TSKS: variants seen among roughly 807,000 people sequenced by gnomAD.
TSKS encodes testis-specific serine kinase substrate.
TSKS carries 27 observed loss-of-function variants against 68.0 expected under a neutral mutation model. That is an observed-to-expected ratio of 0.40 (90% CI 0.29 to 0.55). The LOEUF (loss-of-function observed/expected upper bound fraction) is 0.55. Among genes scored for constraint, TSKS ranks in the 20% least tolerant of loss-of-function variants. TSKS has a pLI of 0.53. For missense variants in TSKS, 806 were observed against 776.0 expected, an observed-to-expected ratio of 1.04 and a Z score of -0.46; for synonymous variants, 331 against 340.4, an observed-to-expected ratio of 0.97 and a Z score of 0.30.
At chr19:49,744,520 C>T in intron 7 of TSKS, 116 bp from the exon 8 acceptor site, 1 of 980,294 alleles carries the variant, frequency 1.0e-6, no homozygotes, top group Non-Finnish European at 1.5e-6. Context: ...AATTCTCCAC[C>T]CTGCCCTCCC....
chr19:49,746,927 A>G, intron 5 of TSKS, 129 bp from the exon 6 acceptor site: 1 of 1,474,306 alleles, frequency 6.8e-7, no homozygotes, highest in Non-Finnish European at 9.0e-7. Flanking sequence ...GTATGTTGGA[A>G]GTCTCACTGG....
intron 6 of TSKS, 31 bp downstream of exon 6, chr19:49,746,439 T>C: frequency 1.9e-6 from 3 of 1,611,950 alleles, no homozygotes; most frequent in Non-Finnish European, 2.5e-6. Flanking sequence ...CCGATCTCGT[T>C]TTCGAGGCTC....
At chr19:49,755,696 TA>T (rs2084387140) in intron 2 of TSKS, among the ~76,000 whole-genome samples, 1 of 151,796 alleles carries the variant, frequency 6.6e-6, no homozygotes, top group Non-Finnish European at 1.5e-5. Flanking sequence ...AAAACACTTT[TA>T]AAATAGGATA....
At position 49,739,873 on chromosome 19, in the gene TSKS, A is replaced by G; in HGVS notation, c.1682T>C (p.Leu561Pro). The change falls in exon 11 of 11, where the codon CTC becomes CCC. Residue 561 changes from leucine to proline, a missense_variant. Coordinates refer to ENST00000246801, the MANE Select transcript of TSKS (RefSeq NM_021733.2). ...HLKMCSLHDHLSNLPLEGSTG... is the reference protein window; with the variant it reads ...HLKMCSLHDHPSNLPLEGSTG... Reference sequence around the variant, plus strand: ...GGACCCCTCAAGTGGCAGGTTGCTGAGATGATCGTGGAGGGAGCACATCTT... The same window carrying G: ...GGACCCCTCAAGTGGCAGGTTGCTGGGATGATCGTGGAGGGAGCACATCTT... 1 of 1,614,032 alleles carries G rather than the reference A, an allele frequency of 6.2e-7. No homozygotes were observed. The highest frequency in any genetic ancestry group is 8.5e-7 in the Non-Finnish European group (1 of 1,179,982).
rs373031249 is a variant in TSKS, at chr19:49,741,520, C to A, written c.1497+365G>T. Among the ~76,000 whole-genome samples the A allele has an allele frequency of 5.9e-5, 9 of 152,204 alleles. 1 individual carries two copies. The highest frequency in any genetic ancestry group is 3.3e-4 in the Admixed American group (5 of 15,284). ...CTATTTTACCTCAATATAGCTGACC[C>A]CAATGATCTTGTACAATGCACCGCC... On this transcript the variant is annotated intron_variant, in intron 9 of 10. Transcript: ENST00000246801.
chr19:49,754,557 A>C (rs1270637734), intron 2 of TSKS, among the ~76,000 whole-genome samples: 1 of 152,124 alleles, frequency 6.6e-6, no homozygotes, highest in Non-Finnish European at 1.5e-5. Context: ...AAGGCATGCA[A>C]AGAAAAAAAA....
intron 4 of TSKS, 70 bp downstream of exon 4, chr19:49,748,015 C>T: frequency 1.4e-6 from 2 of 1,471,652 alleles, no homozygotes; most frequent in Non-Finnish European, 1.9e-6. Flanking sequence ...AGCCTCCTCC[C>T]CTCTTTCTCC....
intron 6 of TSKS, among the ~76,000 whole-genome samples, chr19:49,745,616 T>C (rs983771868): frequency 6.6e-6 from 1 of 152,056 alleles, no homozygotes; most frequent in Admixed American, 6.6e-5. Flanking sequence ...CTTTATTGGC[T>C]ATCTTGGCCC....
Position 49,743,499 on chromosome 19 carries a change from T to C in TSKS, c.1361+732A>G, listed in dbSNP as rs200070974. The stretch of plus-strand genomic sequence containing the variant: ...CCCGGGTCCAAGTGAATTTCTTTTT[T>C]TTTTTTTTTTTTTTTTGAGATGGAG... On this transcript the variant is annotated intron_variant, in intron 8 of 10. Transcript: ENST00000246801. 5.8e-5 allele frequency among the ~76,000 whole-genome samples: 8 copies of C among 138,936 alleles called. 1 individual carries two copies. The highest frequency in any genetic ancestry group is 4.1e-4 in the East Asian group (2 of 4,870). The allele number at this position is 138,936 out of a possible 152,430, so 91.1% of individuals were successfully genotyped here.
chr19:49,759,468 C>CA (rs557013917), intron 2 of TSKS, among the ~76,000 whole-genome samples: 33,433 of 105,306 alleles, frequency 0.32, 5,543 homozygotes, highest in African/African-American at 0.52. Flanking sequence ...ACTCCATTTC[C>CA]AAAAAAAAAA....
chr19:49,747,615 G>A (rs8109529), intron 4 of TSKS, 143 bp from the exon 5 acceptor site: 784,684 of 784,726 alleles, frequency 1, 392,321 homozygotes, highest in Middle Eastern at 1. Context: ...CCTTGGCTAA[G>A]GGGATGGCTT....
intron 8 of TSKS, 86 bp downstream of exon 8, chr19:49,744,145 C>A: frequency 7.0e-7 from 1 of 1,427,956 alleles, no homozygotes; most frequent in Non-Finnish European, 9.7e-7. Flanking sequence ...AACAGCGCCC[C>A]ACCCTTCACT....
Position 49,744,326 on chromosome 19 carries a change from C to G in TSKS, c.1266G>C (p.Glu422Asp). ...AGTTCTGAAATTGCCGCCCGAACTC[C>G]TCCAGAATGGGTTTCAGTGGGCCCA... ...EGLGPLKPIL[E>D]EFGRQFQNSR... is the part of the protein sequence containing the mutation. The change falls in exon 8 of 11, where the codon GAG becomes GAC. Residue 422 changes from glutamate to aspartate, a missense_variant. Glu to Asp is a conservative substitution (Grantham distance 45, BLOSUM62 2). Coordinates refer to ENST00000246801, the MANE Select transcript of TSKS (RefSeq NM_021733.2). 1 of 1,614,154 alleles carries G rather than the reference C, an allele frequency of 6.2e-7. No individual in the cohort carries two copies. The highest frequency in any genetic ancestry group is 8.5e-7 in the Non-Finnish European group (1 of 1,180,026).
At chr19:49,755,728 C>T (rs1006703468) in intron 2 of TSKS, among the ~76,000 whole-genome samples, 1 of 152,136 alleles carries the variant, frequency 6.6e-6, no homozygotes, top group Admixed American at 6.5e-5. Context: ...GGTGGCTGGG[C>T]TTGGTGGCTG....
At chr19:49,746,367 G>T in intron 6 of TSKS, 103 bp downstream of exon 6, 1 of 1,376,606 alleles carries the variant, frequency 7.3e-7, no homozygotes, top group South Asian at 1.3e-5. Context: ...AGCTACTTGA[G>T]AACCCCCGTC....
intron 9 of TSKS, 127 bp from the exon 10 acceptor site, chr19:49,740,310 C>T: frequency 8.2e-7 from 1 of 1,222,646 alleles, no homozygotes. Flanking sequence ...AGTTTCCCAT[C>T]ATGCCTTGAG....
At chr19:49,741,804 G>A (rs1230248722) in intron 9 of TSKS, 81 bp downstream of exon 9, 2 of 1,592,248 alleles carry the variant, frequency 1.3e-6, no homozygotes, top group East Asian at 2.2e-5. Flanking sequence ...CACACCAGCA[G>A]TACCCTTGAG....
In TSKS at chr19:49,744,411, C is replaced by A. The variant is rs1308626752; in HGVS notation, c.1188-7G>T. The A allele has an allele frequency of 6.2e-7, 1 of 1,610,432 alleles. No homozygotes were observed. Among genetic ancestry groups the A allele is most frequent in the Non-Finnish European group, 8.5e-7 (1 of 1,176,954 alleles). On this transcript the variant is annotated splice_region_variant and splice_polypyrimidine_tract_variant and intron_variant, in intron 7 of 10. Coordinates refer to ENST00000246801, the MANE Select transcript of TSKS (RefSeq NM_021733.2). ...CACTGCTGACCGCTCCACCCTGAGG[C>A]ATGAGTAACCAGTGCTGCTGGGTCG...
intron 2 of TSKS, among the ~76,000 whole-genome samples, chr19:49,758,920 C>T (rs781370881): frequency 6.6e-6 from 1 of 151,776 alleles, no homozygotes; most frequent in Non-Finnish European, 1.5e-5. Flanking sequence ...TGCAATGGCA[C>T]GATTTCGGTT....
Sources: allele counts gnomAD v4.1 joint callset (sites outside exome capture counted in the v4.1 genomes callset), GRCh38; gene constraint gnomAD v4.1.1; transcripts MANE v1.5; gene names NCBI Gene and HGNC (gene_info 2026-07-23, HGNC 2026-07-21).